Variants in SYTL3 observed in about 807,000 individuals in gnomAD.
SYTL3 encodes the protein synaptotagmin like 3.
Under a neutral mutation model 82.1 loss-of-function variants are expected in SYTL3, and 88 were observed. That is an observed-to-expected ratio of 1.07 (90% confidence interval 0.90 to 1.28). The LOEUF is 1.28. Ranked by LOEUF, SYTL3 falls within the 50% of genes most tolerant of loss-of-function variation. The pLI is 0.00. For missense variants in SYTL3, 831 were observed against 757.6 expected (o/e 1.10, Z -1.14); for synonymous variants, 311 against 289.4 (o/e 1.07, Z -0.76).
intron 6 of SYTL3, among the ~76,000 whole-genome samples, chr6:158,704,471 C>A (rs1781738409): frequency 6.6e-6 from 1 of 152,270 alleles, no homozygotes; most frequent in Non-Finnish European, 1.5e-5. Flanking sequence ...GGTTTCCTAG[C>A]TGGGGTCTGA....
At position 158,676,754 on chromosome 6, in the gene SYTL3, C is replaced by G. The variant is rs148416474; in HGVS notation, c.330-6171C>G. 8.7e-3 allele frequency among the ~76,000 whole-genome samples: 1,331 copies of G among 152,268 alleles called. 25 individuals are homozygous for G. The highest frequency in any genetic ancestry group is 0.03 in the African/African-American group (1,238 of 41,530). ...TCAACAAGTGGGCGAAGGATATGAACAGACACTTCTCAAAAGAAGACATTT... is the reference window on the plus strand; with the variant it reads ...TCAACAAGTGGGCGAAGGATATGAAGAGACACTTCTCAAAAGAAGACATTT... On this transcript the variant is annotated intron_variant, in intron 5 of 17. Coordinates refer to ENST00000611299, the MANE Select transcript of SYTL3 (RefSeq NM_001242394.2).
At chr6:158,763,888 C>T (rs892847077) in intron 17 of SYTL3, among the ~76,000 whole-genome samples, 5 of 152,168 alleles carry the variant, frequency 3.3e-5, no homozygotes, top group African/African-American at 1.2e-4. Flanking sequence ...CAGTGCTGTC[C>T]AGAGCCGCTC....
chr6:158,741,597 G>T (rs192099173), intron 11 of SYTL3, among the ~76,000 whole-genome samples: 2 of 152,314 alleles, frequency 1.3e-5, no homozygotes, highest in Admixed American at 1.3e-4. Context: ...GACCTTTGGT[G>T]CAAGTTTGGC....
intron 10 of SYTL3, among the ~76,000 whole-genome samples, chr6:158,719,021 C>T (rs958357748): frequency 2.0e-5 from 3 of 152,160 alleles, no homozygotes; most frequent in African/African-American, 7.2e-5. Context: ...TGAGAGTTCA[C>T]GTCCTGCCTC....
At chr6:158,727,956 T>C (rs1287105031) in intron 11 of SYTL3, among the ~76,000 whole-genome samples, 1 of 152,154 alleles carries the variant, frequency 6.6e-6, no homozygotes, top group African/African-American at 2.4e-5. Flanking sequence ...AACTTGGAAG[T>C]GATATTTTAC....
chr6:158,762,448 A>C (rs530173517), intron 16 of SYTL3, among the ~76,000 whole-genome samples: 1 of 152,254 alleles, frequency 6.6e-6, no homozygotes, highest in African/African-American at 2.4e-5. Context: ...TGGTGTGGTC[A>C]GTAAATATTT....
rs976448802 is a variant in SYTL3, at chr6:158,763,362, C to T, written c.1576C>T (p.Gln526Ter). 1 of 1,614,128 alleles carries T rather than the reference C, an allele frequency of 6.2e-7. No homozygotes were observed. Among genetic ancestry groups the T allele is most frequent in the Non-Finnish European group, 8.5e-7 (1 of 1,180,054 alleles). ...LRLKSPVLRK[Q>*]ACPQWKHSFV... The stretch of plus-strand genomic sequence containing the variant: ...ACTGAAGTCGCCAGTCCTGAGGAAG[C>T]AGGCTTGCCCCCAGTGGAAACACTC... Residue 526 changes from glutamine to a stop codon, truncating the protein, a stop_gained, in exon 17 of 18, where the codon CAG becomes TAG. Coordinates refer to ENST00000611299, the MANE Select transcript of SYTL3 (RefSeq NM_001242394.2). LOFTEE classifies it high-confidence loss of function.
chr6:158,715,036 C>T (rs1783193263), intron 9 of SYTL3, among the ~76,000 whole-genome samples: 1 of 152,308 alleles, frequency 6.6e-6, no homozygotes, highest in South Asian at 2.1e-4. Context: ...TGTTTCCATC[C>T]TGCTGGGCTC....
intron 11 of SYTL3, among the ~76,000 whole-genome samples, chr6:158,744,331 G>T (rs1283519968): frequency 2.3e-5 from 3 of 128,924 alleles, no homozygotes; most frequent in Non-Finnish European, 4.7e-5. Flanking sequence ...TTTTGAGACG[G>T]AGTCTTGCTC....
chr6:158,725,470 C>A (rs1784607691), intron 10 of SYTL3, 33 bp from the exon 11 acceptor site: 3 of 1,611,212 alleles, frequency 1.9e-6, no homozygotes, highest in Non-Finnish European at 2.5e-6. Flanking sequence ...GGGATGGAGA[C>A]TATAATATTA....
At chr6:158,696,522 C>T (rs1199801687) in intron 6 of SYTL3, among the ~76,000 whole-genome samples, 1 of 151,864 alleles carries the variant, frequency 6.6e-6, no homozygotes, top group African/African-American at 2.4e-5. Flanking sequence ...TTTTATAACA[C>T]TTATTTTATA....
At chr6:158,730,833 T>TAAAGCATTCC (rs1166321163) in intron 11 of SYTL3, among the ~76,000 whole-genome samples, 2 of 151,734 alleles carry the variant, frequency 1.3e-5, no homozygotes, top group Non-Finnish European at 2.9e-5. Context: ...GCAGGGGCGG[T>TAAAGCATTCC]AAAGCATTCC....
At position 158,764,658 on chromosome 6, in the gene SYTL3, C is replaced by T. The variant is rs751638661; in HGVS notation, c.*54C>T. Reference sequence around the variant, plus strand: ...GCAGGCGTGAGGCACTGTGCGTCTGCAGAGGGGCTACGAACCAGGTGCAGG... The same window carrying T: ...GCAGGCGTGAGGCACTGTGCGTCTGTAGAGGGGCTACGAACCAGGTGCAGG... On this transcript the variant is annotated 3_prime_UTR_variant, in exon 18 of 18. Transcript: ENST00000611299. 13 of 1,328,744 alleles carry T rather than the reference C, an allele frequency of 9.8e-6. No individual in the cohort carries two copies. The highest frequency in any genetic ancestry group is 3.5e-5 in the South Asian group (3 of 84,896). The allele number at this position is 1,328,744 out of a possible 1,614,324, so 82.3% of individuals were successfully genotyped here. A position where few individuals can be genotyped will look rare whatever the true frequency, so the allele number is the denominator to read the frequency against.
intron 11 of SYTL3, among the ~76,000 whole-genome samples, chr6:158,729,668 G>T (rs565784136): frequency 6.7e-6 from 1 of 148,806 alleles, no homozygotes; most frequent in Non-Finnish European, 1.5e-5. Context: ...TCTGGTTCAC[G>T]CCATTCTCCT....
intron 6 of SYTL3, among the ~76,000 whole-genome samples, chr6:158,697,277 GAAAAAAA>G (rs35335929): frequency 5.3e-5 from 5 of 94,502 alleles, no homozygotes; most frequent in Non-Finnish European, 1.0e-4. Flanking sequence ...CATCTCTACG[GAAAAAAA>G]AAAAAAAAAA....
At chr6:158,704,887 C>T (rs1209754064) in intron 6 of SYTL3, among the ~76,000 whole-genome samples, 2 of 83,344 alleles carry the variant, frequency 2.4e-5, no homozygotes, top group African/African-American at 6.2e-5. Flanking sequence ...GGCTGTAAGG[C>T]CACATAGGGC....
At chr6:158,760,234 TC>T (rs1789726653) in intron 14 of SYTL3, among the ~76,000 whole-genome samples, 1 of 152,166 alleles carries the variant, frequency 6.6e-6, no homozygotes. Context: ...TCTGTGCCAG[TC>T]CTTGGCATGG....
intron 12 of SYTL3, among the ~76,000 whole-genome samples, chr6:158,750,813 T>G (rs1433982780): frequency 6.6e-6 from 1 of 152,194 alleles, no homozygotes; most frequent in Non-Finnish European, 1.5e-5. Flanking sequence ...TTTTCTTTTT[T>G]GAGATGGAAT....
intron 11 of SYTL3, among the ~76,000 whole-genome samples, chr6:158,728,278 G>A (rs1422325484): frequency 6.6e-6 from 1 of 151,918 alleles, no homozygotes; most frequent in East Asian, 1.9e-4. Flanking sequence ...AATGGTGTAA[G>A]GTAGAGATTG....
Sources: allele counts gnomAD v4.1 joint callset (sites outside exome capture counted in the v4.1 genomes callset), GRCh38; gene constraint gnomAD v4.1.1; transcripts MANE v1.5; gene names NCBI Gene and HGNC (gene_info 2026-07-23, HGNC 2026-07-21).